AFG2A: variants seen among roughly 807,000 people sequenced by gnomAD.
AFG2A encodes the protein ATPase family gene 2 protein homolog A.
chr4:123,221,115 C>CT, the AFG2A span, among the ~76,000 whole-genome samples: 2 of 152,094 alleles, frequency 1.3e-5, no homozygotes, highest in Non-Finnish European at 2.9e-5. Flanking sequence ...TTTCCAGCAC[C>CT]TGAAGTGGGG....
At chr4:123,312,449 C>T in the AFG2A span, among the ~76,000 whole-genome samples, 2 of 152,198 alleles carry the variant, frequency 1.3e-5, no homozygotes, top group Admixed American at 6.5e-5. Flanking sequence ...TGGGTGGGGA[C>T]TCTTCCCACT....
At chr4:123,012,216 A>C in the AFG2A span, among the ~76,000 whole-genome samples, 1 of 135,778 alleles carries the variant, frequency 7.4e-6, no homozygotes, top group African/African-American at 2.8e-5. Context: ...CCCCCAGGAA[A>C]GTGGAGAAAG....
chr4:122,929,420 G>A, the AFG2A span, among the ~76,000 whole-genome samples: 5 of 152,080 alleles, frequency 3.3e-5, no homozygotes, highest in Non-Finnish European at 5.9e-5. Context: ...AGGGCTGGGC[G>A]CGGTGGCTTA....
At chr4:123,267,293 T>G in the AFG2A span, among the ~76,000 whole-genome samples, 1 of 152,060 alleles carries the variant, frequency 6.6e-6, no homozygotes, top group Non-Finnish European at 1.5e-5. Context: ...TTTTCTCTTT[T>G]TATTTTATTT....
the AFG2A span, among the ~76,000 whole-genome samples, chr4:123,211,435 A>G: frequency 1.3e-5 from 2 of 152,160 alleles, no homozygotes; most frequent in African/African-American, 4.8e-5. Flanking sequence ...GTAGGAAGAA[A>G]TCAGTATCGG....
the AFG2A span, chr4:123,028,169 A>G: frequency 1.2e-6 from 2 of 1,601,256 alleles, no homozygotes; most frequent in Non-Finnish European, 1.7e-6. Flanking sequence ...ATATTTGGAA[A>G]ATGTTCTATT....
chr4:122,924,545 A>G, the AFG2A span, among the ~76,000 whole-genome samples: 1 of 152,178 alleles, frequency 6.6e-6, no homozygotes, highest in African/African-American at 2.4e-5. Flanking sequence ...TTGATGTTTC[A>G]TCATTTTTCT....
chr4:123,274,902 G>A, the AFG2A span, among the ~76,000 whole-genome samples: 6 of 152,164 alleles, frequency 3.9e-5, no homozygotes, highest in Non-Finnish European at 7.4e-5. Flanking sequence ...GAAGTTATTT[G>A]ATGGTTGGAA....
the AFG2A span, among the ~76,000 whole-genome samples, chr4:123,144,465 C>G: frequency 6.6e-6 from 1 of 151,956 alleles, no homozygotes; most frequent in African/African-American, 2.4e-5. Flanking sequence ...GTTTGATCTG[C>G]TATGCACTGA....
the AFG2A span, among the ~76,000 whole-genome samples, chr4:122,951,843 C>T: frequency 1.3e-5 from 2 of 152,296 alleles, no homozygotes; most frequent in South Asian, 2.1e-4. Flanking sequence ...ACATTGGGCC[C>T]TGTCTATCCT....
chr4:122,965,102 AAT>A, the AFG2A span, among the ~76,000 whole-genome samples: 5 of 152,202 alleles, frequency 3.3e-5, no homozygotes, highest in Non-Finnish European at 7.3e-5. Context: ...TTAGAATTTA[AAT>A]ATGAGATCCA....
chr4:123,218,388 T>C, the AFG2A span, among the ~76,000 whole-genome samples: 1 of 152,194 alleles, frequency 6.6e-6, no homozygotes, highest in Non-Finnish European at 1.5e-5. Context: ...GGAAAAGTTA[T>C]ACAGATTTTG....
At chr4:123,146,336 G>A in the AFG2A span, among the ~76,000 whole-genome samples, 1 of 152,182 alleles carries the variant, frequency 6.6e-6, no homozygotes, top group Admixed American at 6.5e-5. Context: ...CACACAATGG[G>A]GAGAAAAACG....
the AFG2A span, among the ~76,000 whole-genome samples, chr4:123,259,016 A>C: frequency 6.6e-6 from 1 of 151,398 alleles, no homozygotes; most frequent in Non-Finnish European, 1.5e-5. Flanking sequence ...ACAGGCACCC[A>C]CCACCACGCC....
At chr4:123,011,474 C>T in the AFG2A span, among the ~76,000 whole-genome samples, 7 of 152,232 alleles carry the variant, frequency 4.6e-5, no homozygotes, top group South Asian at 2.1e-4. Context: ...TGGTTTCACT[C>T]GCGTCCCTGT....
the AFG2A span, among the ~76,000 whole-genome samples, chr4:123,033,068 T>C: frequency 6.6e-6 from 1 of 152,244 alleles, no homozygotes; most frequent in Non-Finnish European, 1.5e-5. Flanking sequence ...GATATATTAA[T>C]ATTCTCTTAT....
chr4:122,982,899 G>T, the AFG2A span, among the ~76,000 whole-genome samples: 5 of 109,702 alleles, frequency 4.6e-5, no homozygotes, highest in Non-Finnish European at 8.4e-5. Flanking sequence ...ACGGAGTCTC[G>T]CTCTGTTACC....
At chr4:123,156,769 A>AG in the AFG2A span, among the ~76,000 whole-genome samples, 506 of 151,090 alleles carry the variant, frequency 3.3e-3, 2 homozygotes, top group African/African-American at 0.012. Flanking sequence ...TAAAAAAAAA[A>AG]AAAAAAAGAA....
chr4:123,256,529 C>T, the AFG2A span, among the ~76,000 whole-genome samples: 2 of 152,148 alleles, frequency 1.3e-5, no homozygotes, highest in Admixed American at 1.3e-4. Context: ...CGTTCTTTAC[C>T]CATCAAATGG....
Sources: gnomAD v4.1 joint callset for allele counts (sites outside exome capture counted in the v4.1 genomes callset) on GRCh38, gnomAD v4.1.1 for gene constraint, MANE v1.5 for transcripts, NCBI Gene and HGNC (gene_info 2026-07-23, HGNC 2026-07-21) for gene names.